The following ZNF507 variants were observed in gnomAD, a reference collection of about 807,000 sequenced individuals.
The protein encoded by ZNF507 is zinc finger protein 507.
In ZNF507, 29 loss-of-function variants were observed where a neutral mutation model predicts 80.0. The observed-to-expected ratio is 0.36, with a 90% CI of 0.27 to 0.49. ZNF507 has a LOEUF of 0.49. Ranked by LOEUF, ZNF507 falls within the 20% of genes least tolerant of loss-of-function variation. ZNF507 has a pLI of 0.98. For missense variants in ZNF507, 1,081 were observed against 1,152.2 expected (o/e 0.94, Z 0.90); for synonymous variants, 462 against 422.5 (o/e 1.09, Z -1.15).
At chr19:32,380,262 A>G (rs1442604591) in intron 5 of ZNF507, among the ~76,000 whole-genome samples, 2 of 152,122 alleles carry the variant, frequency 1.3e-5, no homozygotes, top group Admixed American at 1.3e-4. Flanking sequence ...AGTATGAGGT[A>G]GGAGGATCAC....
intron 5 of ZNF507, among the ~76,000 whole-genome samples, chr19:32,371,643 A>ATTT (rs111611184): frequency 1.1e-5 from 1 of 92,650 alleles, no homozygotes; most frequent in Non-Finnish European, 2.1e-5. Flanking sequence ...TATTATTATT[A>ATTT]TTTTTTTTTT....
intron 2 of ZNF507, among the ~76,000 whole-genome samples, chr19:32,351,172 G>A (rs1055755007): frequency 1.4e-4 from 22 of 152,170 alleles, no homozygotes; most frequent in African/African-American, 5.1e-4. Flanking sequence ...AATGGCCATG[G>A]AATGCATGTG....
rs1229622688 is a variant in ZNF507, at chr19:32,385,520, A to G, written c.*2437A>G. 1 of 152,230 alleles carries G rather than the reference A, an allele frequency of 6.6e-6. No individual in the cohort carries two copies. Among genetic ancestry groups the G allele is most frequent in the African/African-American group, 2.4e-5 (1 of 41,466 alleles). The allele number at this position is 152,230 out of a possible 1,614,324, so 9.4% of individuals were successfully genotyped here. On this transcript the variant is annotated 3_prime_UTR_variant, in exon 7 of 7. Transcript: ENST00000355898. ...TCTAACTGTAGAAGAGATAGCTATT[A>G]AAATAATCAGTAGCCTGGGCATAGT...
At position 32,366,420 on chromosome 19, in the gene ZNF507, A is replaced by T. The variant is rs527699279; in HGVS notation, c.2360+5802A>T. The stretch of plus-strand genomic sequence containing the variant: ...ACTATCTTGACTTCTAACATTATCA[A>T]TTAGTGTTTTCTGTTTCTGAACTTA... On this transcript the variant is annotated intron_variant, in intron 5 of 6. Transcript: ENST00000355898. 4.6e-5 allele frequency among the ~76,000 whole-genome samples: 7 copies of T among 152,050 alleles called. No individual in the cohort carries two copies. In the East Asian group the frequency reaches 1.4e-3, roughly 29 times the overall value.
intron 5 of ZNF507, among the ~76,000 whole-genome samples, chr19:32,373,300 C>T (rs1036300492): frequency 6.6e-6 from 1 of 152,198 alleles, no homozygotes; most frequent in Non-Finnish European, 1.5e-5. Context: ...AAAGGCCCCA[C>T]CTCTTAATAC....
chr19:32,373,412 A>G (rs1304165731), intron 5 of ZNF507, among the ~76,000 whole-genome samples: 1 of 152,226 alleles, frequency 6.6e-6, no homozygotes, highest in Non-Finnish European at 1.5e-5. Context: ...AGGAACTTTG[A>G]GAAATAAAAT....
chr19:32,360,325 A>ATAGT (rs1967304769), intron 4 of ZNF507, among the ~76,000 whole-genome samples, 179 bp from the exon 5 acceptor site: 1 of 152,236 alleles, frequency 6.6e-6, no homozygotes, highest in Non-Finnish European at 1.5e-5. Context: ...ATATCTGCTG[A>ATAGT]TAGTGTATAT....
intron 5 of ZNF507, among the ~76,000 whole-genome samples, chr19:32,362,669 T>G (rs1455976839): frequency 6.6e-6 from 1 of 152,232 alleles, no homozygotes; most frequent in African/African-American, 2.4e-5. Flanking sequence ...AGGGATGTTT[T>G]CTTGTGTTCT....
intron 2 of ZNF507, among the ~76,000 whole-genome samples, chr19:32,351,419 CTGTGTGTGTGTG>C (rs5823): frequency 1.7e-3 from 91 of 52,838 alleles, no homozygotes; most frequent in South Asian, 3.7e-3. Flanking sequence ...AGCTGGTCAG[CTGTGTGTGTGTG>C]TGTGTGTGTG....
At position 32,353,353 on chromosome 19, in the gene ZNF507, G is replaced by C. The variant is rs574653667; in HGVS notation, c.523G>C (p.Val175Leu). 6.2e-7 allele frequency: 1 copy of C among 1,614,202 alleles called. No individual in the cohort carries two copies. Among genetic ancestry groups the C allele is most frequent in the South Asian group, 1.1e-5 (1 of 91,084 alleles). Residue 175 changes from valine (V) to leucine (L), a missense_variant, in exon 3 of 7, where the codon GTG becomes CTG. Coordinates refer to ENST00000355898, the MANE Select transcript of ZNF507 (RefSeq NM_001136156.2). ...RSQEELEAHV[V>L]NDHDNDANIH... Reference sequence around the variant, plus strand: ...CCAGGAGGAACTTGAAGCCCACGTGGTGAATGACCATGACAATGATGCCAA... The same window carrying C: ...CCAGGAGGAACTTGAAGCCCACGTGCTGAATGACCATGACAATGATGCCAA...
At chr19:32,367,687 G>A (rs988122139) in intron 5 of ZNF507, among the ~76,000 whole-genome samples, 3 of 152,104 alleles carry the variant, frequency 2.0e-5, no homozygotes, top group African/African-American at 4.8e-5. Flanking sequence ...TCAACTATGC[G>A]TGCTTAGGTA....
chr19:32,354,013 GT>G lies in ZNF507; in HGVS notation c.1185del (p.Asn396ThrfsTer2), dbSNP rs1450676476. ...CAGCAGCCCCAATAAAAAAGGGCATGTTAACGTGATAGTGGAGCGATTGCCA... is the reference window on the plus strand; with the variant it reads ...CAGCAGCCCCAATAAAAAAGGGCATGTAACGTGATAGTGGAGCGATTGCCA... ...ISSSPNKKGH[V>X]NVIVERLPSA... is the part of the protein sequence containing the mutation. On this transcript the variant is annotated frameshift_variant, in exon 3 of 7. Transcript: ENST00000355898. LOFTEE classifies it high-confidence loss of function. 6.2e-7 allele frequency: 1 copy of G among 1,614,174 alleles called. No individual in the cohort carries two copies. The highest frequency in any genetic ancestry group is 8.5e-7 in the Non-Finnish European group (1 of 1,180,032).
chr19:32,378,285 G>A (rs941338030), intron 5 of ZNF507, among the ~76,000 whole-genome samples: 2 of 152,076 alleles, frequency 1.3e-5, no homozygotes, highest in East Asian at 1.9e-4. Context: ...CCTGGGAGGC[G>A]GAGGTTGCAG....
At position 32,353,965 on chromosome 19, in the gene ZNF507, A is replaced by G. The variant is rs768214523; in HGVS notation, c.1135A>G (p.Thr379Ala). Residue 379 changes from threonine to alanine, a missense_variant, in exon 3 of 7, where the codon ACA becomes GCA. Around this residue, in one of 6 missense-constraint regions of ZNF507, gnomAD observed 614 missense variants for 583.9 expected, o/e 1.05. Transcript: ENST00000355898. ...GAATCTGATTCCTGATAGCCTGCTT[A>G]CATCAGCACAGAAAATCATCAGCAG... ...EENLIPDSLL[T>A]SAQKIISSSP... The G allele has an allele frequency of 1.1e-5, 18 of 1,614,206 alleles. No individual in the cohort carries two copies. Among genetic ancestry groups the G allele is most frequent in the Non-Finnish European group, 1.5e-5 (18 of 1,180,040 alleles).
chr19:32,361,780 C>T (rs1967330340), intron 5 of ZNF507, among the ~76,000 whole-genome samples: 1 of 143,020 alleles, frequency 7.0e-6, no homozygotes. Flanking sequence ...CCCTCTCTCC[C>T]TCCCTCCTTC....
chr19:32,349,165 A>G (rs1439964321), intron 2 of ZNF507, among the ~76,000 whole-genome samples: 1 of 152,214 alleles, frequency 6.6e-6, no homozygotes, highest in African/African-American at 2.4e-5. Context: ...AAGGTGACCT[A>G]GAGGTAGAGA....
intron 5 of ZNF507, among the ~76,000 whole-genome samples, chr19:32,372,531 C>T (rs1211547613): frequency 6.6e-6 from 1 of 151,854 alleles, no homozygotes; most frequent in Non-Finnish European, 1.5e-5. Context: ...AGTTTGAGGG[C>T]CTGGCCCTGG....
intron 5 of ZNF507, among the ~76,000 whole-genome samples, chr19:32,363,892 G>A (rs1967362767): frequency 6.6e-6 from 1 of 152,156 alleles, no homozygotes; most frequent in South Asian, 2.1e-4. Context: ...GCTATGTCTG[G>A]CTGCTCTGGA....
At chr19:32,345,938 C>T (rs1015977041) in intron 1 of ZNF507, among the ~76,000 whole-genome samples, 155 bp downstream of exon 1, 2 of 152,212 alleles carry the variant, frequency 1.3e-5, no homozygotes, top group Non-Finnish European at 2.9e-5. Flanking sequence ...TGTCCCGGTT[C>T]TGTCTTCTGT....
Sources: allele counts gnomAD v4.1 joint callset (sites outside exome capture counted in the v4.1 genomes callset), GRCh38; gene constraint gnomAD v4.1.1; regional missense constraint gnomAD v4.1.1; transcripts MANE v1.5; gene names NCBI Gene and HGNC (gene_info 2026-07-23, HGNC 2026-07-21).